RABGAP1L: variants seen among roughly 807,000 people sequenced by gnomAD.
The protein encoded by RABGAP1L is rab GTPase-activating protein 1-like.
In RABGAP1L, 63 loss-of-function variants were observed where a neutral mutation model predicts 137.7. The observed-to-expected ratio is 0.46, with a 90% CI of 0.37 to 0.56. RABGAP1L has a LOEUF of 0.56. Ranked by LOEUF, RABGAP1L falls within the 20% of genes least tolerant of loss-of-function variation. The probability of loss-of-function intolerance (pLI) is 0.00; values close to 1 mark genes in which losing one functional copy is unlikely to be tolerated. For missense variants in RABGAP1L, 1,095 were observed against 1,244.0 expected, an observed-to-expected ratio of 0.88 and a Z score of 1.80; for synonymous variants, 431 against 433.7, an observed-to-expected ratio of 0.99 and a Z score of 0.08.
At chr1:174,723,980 G>T (rs1043680633) in intron 17 of RABGAP1L, among the ~76,000 whole-genome samples, 1 of 152,188 alleles carries the variant, frequency 6.6e-6, no homozygotes, top group Admixed American at 6.5e-5. Flanking sequence ...TGGCATATGT[G>T]CATTAAAAAT....
intron 13 of RABGAP1L, among the ~76,000 whole-genome samples, chr1:174,469,803 G>A (rs1657707694): frequency 6.6e-6 from 1 of 152,130 alleles, no homozygotes; most frequent in South Asian, 2.1e-4. Flanking sequence ...AATATTGAAA[G>A]CAGACAAAAT....
At chr1:174,610,539 G>A (rs1170823936) in intron 13 of RABGAP1L, among the ~76,000 whole-genome samples, 2 of 152,060 alleles carry the variant, frequency 1.3e-5, no homozygotes, top group Admixed American at 6.5e-5. Context: ...CTTTATAGCA[G>A]CATGATTTAT....
At chr1:174,541,592 C>A (rs187189652) in intron 13 of RABGAP1L, among the ~76,000 whole-genome samples, 2 of 152,210 alleles carry the variant, frequency 1.3e-5, no homozygotes, top group East Asian at 3.9e-4. Flanking sequence ...CTGGCTAACA[C>A]AGTGAAACTC....
intron 15 of RABGAP1L, among the ~76,000 whole-genome samples, chr1:174,691,164 A>G (rs1678852330): frequency 6.6e-6 from 1 of 152,168 alleles, no homozygotes; most frequent in Admixed American, 6.5e-5. Flanking sequence ...GAATATCAGT[A>G]GAGTGTTCAT....
intron 18 of RABGAP1L, among the ~76,000 whole-genome samples, chr1:174,758,821 G>A (rs953745876): frequency 2.6e-5 from 4 of 151,998 alleles, no homozygotes; most frequent in African/African-American, 9.7e-5. Context: ...CTGAAATAAT[G>A]TGCCCTCCCA....
chr1:174,191,507 G>A (rs1284753909), intron 1 of RABGAP1L, among the ~76,000 whole-genome samples: 1 of 152,162 alleles, frequency 6.6e-6, no homozygotes, highest in African/African-American at 2.4e-5. Flanking sequence ...CTTACGTGTA[G>A]TATAGCCTTG....
intron 17 of RABGAP1L, among the ~76,000 whole-genome samples, chr1:174,732,194 TCCC>T (rs570408358): frequency 0.045 from 4,675 of 102,766 alleles, 97 homozygotes; most frequent in Middle Eastern, 0.11. Context: ...TGAGACCCCA[TCCC>T]CCCCAAAAAA....
At chr1:174,203,204 C>T (rs551661234) in intron 1 of RABGAP1L, among the ~76,000 whole-genome samples, 1 of 152,110 alleles carries the variant, frequency 6.6e-6, no homozygotes, top group Admixed American at 6.5e-5. Context: ...AAATGGTCCA[C>T]CTTCAGTGTT....
chr1:174,486,638 G>A (rs182368890), intron 13 of RABGAP1L, among the ~76,000 whole-genome samples: 4 of 151,952 alleles, frequency 2.6e-5, no homozygotes, highest in South Asian at 2.1e-4. Context: ...GAGCTACCGC[G>A]CCCGGCCTCT....
chr1:174,568,065 A>G lies in RABGAP1L; in HGVS notation c.1711-69310A>G, dbSNP rs536323140. 2.0e-5 allele frequency among the ~76,000 whole-genome samples: 3 copies of G among 152,338 alleles called. No individual in the cohort carries two copies. In the South Asian group the frequency reaches 6.2e-4, roughly 32 times the overall value. On this transcript the variant is annotated intron_variant, in intron 13 of 25. Coordinates refer to ENST00000681986, the MANE Select transcript of RABGAP1L (RefSeq NM_001366446.1). ...TGTCACATGATCCGGGAGGCTGTAC[A>G]TGAAGCATAGCACCATCATCTGCTT...
rs778061724 is a variant in RABGAP1L, at chr1:174,448,449, C to T, written c.1710+54304C>T. ...TCCACAGGTGTCCACGAGTCATTGA[C>T]TTGCCAGGTTTTTGGATATATCATC... On this transcript the variant is annotated intron_variant, in intron 13 of 25. Coordinates refer to ENST00000681986, the MANE Select transcript of RABGAP1L (RefSeq NM_001366446.1). The surrounding 1 kb of genome is among the most constrained non-coding windows in gnomAD (Gnocchi z 4.2). The T allele has an allele frequency of 2.5e-6, 4 of 1,613,654 alleles. No homozygotes were observed. The highest frequency in any genetic ancestry group is 1.7e-5 in the Admixed American group (1 of 59,992).
At chr1:174,449,266 A>G in intron 13 of RABGAP1L, 1 of 1,327,302 alleles carries the variant, frequency 7.5e-7, no homozygotes, top group Non-Finnish European at 1.0e-6. Flanking sequence ...TTCATCTGGA[A>G]ATTTGCCATC....
chr1:174,763,942 A>G (rs936501831), intron 18 of RABGAP1L, among the ~76,000 whole-genome samples: 8 of 151,834 alleles, frequency 5.3e-5, no homozygotes, highest in Non-Finnish European at 1.0e-4. Flanking sequence ...TTATCACCCC[A>G]TAAGCATAGT....
At chr1:174,746,610 A>G (rs1477834437) in intron 17 of RABGAP1L, among the ~76,000 whole-genome samples, 1 of 152,260 alleles carries the variant, frequency 6.6e-6, no homozygotes, top group Non-Finnish European at 1.5e-5. Flanking sequence ...TTTAGGAAGT[A>G]GAGGACACAT....
chr1:174,582,905 T>C (rs1282371766), intron 13 of RABGAP1L, among the ~76,000 whole-genome samples: 4 of 152,290 alleles, frequency 2.6e-5, no homozygotes, highest in East Asian at 1.9e-4. Flanking sequence ...TTCAGGTTGG[T>C]TTTTCTTTTC....
At chr1:174,389,853 A>G (rs908793065) in intron 12 of RABGAP1L, among the ~76,000 whole-genome samples, 1 of 152,108 alleles carries the variant, frequency 6.6e-6, no homozygotes, top group Non-Finnish European at 1.5e-5. Context: ...TGATTAATAG[A>G]TATTTGATTT....
chr1:174,949,761 G>A (rs1260689137), intron 19 of RABGAP1L, among the ~76,000 whole-genome samples: 2 of 152,162 alleles, frequency 1.3e-5, no homozygotes, highest in Admixed American at 6.5e-5. Flanking sequence ...ATCTAAAGCA[G>A]AAGTGCCAAG....
At chr1:174,714,270 C>A (rs1680824367) in intron 17 of RABGAP1L, among the ~76,000 whole-genome samples, 1 of 152,194 alleles carries the variant, frequency 6.6e-6, no homozygotes. Flanking sequence ...CCCTGATCAC[C>A]CATTCTTAAA....
intron 12 of RABGAP1L, among the ~76,000 whole-genome samples, chr1:174,383,779 C>G (rs771371191): frequency 2.0e-5 from 3 of 152,076 alleles, no homozygotes. Flanking sequence ...AGCTGTAGAC[C>G]GGAGCTGTTC....
Sources: gnomAD v4.1 joint callset for allele counts (sites outside exome capture counted in the v4.1 genomes callset) on GRCh38, gnomAD v4.1.1 for gene constraint, Gnocchi (gnomAD v3.1) non-coding constraint, MANE v1.5 for transcripts, NCBI Gene and HGNC (gene_info 2026-07-23, HGNC 2026-07-21) for gene names.